Variants in GLIS3 observed in about 807,000 individuals in gnomAD.
GLIS3 encodes the protein zinc finger protein GLIS3.
GLIS3 carries 53 observed loss-of-function variants against 78.6 expected under a neutral mutation model. The ratio of observed to expected loss-of-function variants is 0.67; its 90% CI spans 0.54 to 0.85. GLIS3 has a LOEUF of 0.85. Among genes scored for constraint, GLIS3 ranks in the 40% least tolerant of loss-of-function variants. The probability of loss-of-function intolerance (pLI) is 0.00; values close to 1 mark genes in which losing one functional copy is unlikely to be tolerated. For synonymous variants in GLIS3, 684 were observed against 509.9 expected (o/e 1.34, Z -4.60); for missense variants, 1,703 against 1,231.1 (o/e 1.38, Z -5.74).
At chr9:3,892,021 G>A (rs959737460) in intron 7 of GLIS3, among the ~76,000 whole-genome samples, 7 of 152,000 alleles carry the variant, frequency 4.6e-5, no homozygotes, top group South Asian at 2.1e-4. Context: ...CTTTCTCTAC[G>A]TCCCCAAGGA....
At chr9:4,259,355 C>T (rs1390891013) in intron 2 of GLIS3, among the ~76,000 whole-genome samples, 6 of 152,076 alleles carry the variant, frequency 3.9e-5, no homozygotes, top group Admixed American at 1.3e-4. Flanking sequence ...CCACCTTCCC[C>T]TTTACATATG....
In GLIS3 at chr9:4,118,703, A is replaced by G; in HGVS notation, c.775T>C (p.Ser259Pro). Residue 259 changes from serine (S) to proline (P), a missense_variant, in exon 4 of 11, where the codon TCC becomes CCC. By Grantham distance (74) the Ser-to-Pro change is moderately conservative (BLOSUM62 -1). Transcript: ENST00000381971. The surrounding 1 kb of genome is among the most constrained non-coding windows in gnomAD (Gnocchi z 4.7). ...GDLLSLPPGT[S>P]MSSNSVSNSL... is the part of the protein sequence containing the mutation. ...TTAGAGACACTATTGCTGGACATGG[A>G]TGTCCCGGGAGGAAGGCTAAGGAGA... The G allele has an allele frequency of 6.2e-7, 1 of 1,614,066 alleles. No individual in the cohort carries two copies. The highest frequency in any genetic ancestry group is 8.5e-7 in the Non-Finnish European group (1 of 1,180,032).
intron 2 of GLIS3, among the ~76,000 whole-genome samples, chr9:4,256,790 A>G (rs538579017): frequency 1.1e-5 from 1 of 91,378 alleles, no homozygotes; most frequent in African/African-American, 3.5e-5. Flanking sequence ...AGAGTACGGA[A>G]GCTCATCAAA....
At chr9:4,061,216 T>TC (rs1826627124) in intron 4 of GLIS3, among the ~76,000 whole-genome samples, 1 of 68,026 alleles carries the variant, frequency 1.5e-5, no homozygotes, top group Non-Finnish European at 2.8e-5. Flanking sequence ...CCCTCCCCCC[T>TC]CCCCCCACCC....
At chr9:4,003,853 C>A (rs1316566399) in intron 4 of GLIS3, among the ~76,000 whole-genome samples, 1 of 152,176 alleles carries the variant, frequency 6.6e-6, no homozygotes, top group Non-Finnish European at 1.5e-5. Flanking sequence ...GTGCTTGTAT[C>A]ATGGATTACC....
intron 2 of GLIS3, among the ~76,000 whole-genome samples, chr9:4,178,298 C>A (rs1586890131): frequency 6.6e-6 from 1 of 152,220 alleles, no homozygotes; most frequent in Middle Eastern, 3.4e-3. Context: ...TACCTACTTA[C>A]TCTTCTAGGT....
the GLIS3 span, among the ~76,000 whole-genome samples, chr9:4,435,470 C>T: frequency 6.6e-6 from 1 of 152,210 alleles, no homozygotes; most frequent in Admixed American, 6.5e-5. Context: ...TTCCCTTTCC[C>T]TTCTCCGCAT....
At chr9:4,003,210 T>G (rs1430263382) in intron 4 of GLIS3, among the ~76,000 whole-genome samples, 1 of 152,154 alleles carries the variant, frequency 6.6e-6, no homozygotes, top group East Asian at 1.9e-4. Flanking sequence ...CAAGATCCCA[T>G]CTCTGTTTTA....
At chr9:4,348,812 T>C (rs10974486), upstream of GLIS3, among the ~76,000 whole-genome samples, 81 of 152,326 alleles carry the variant, frequency 5.3e-4, 2 homozygotes, top group East Asian at 0.012. Flanking sequence ...CTCAATATGA[T>C]TCCAACTTTT....
At chr9:4,206,080 A>C (rs181707047) in intron 2 of GLIS3, among the ~76,000 whole-genome samples, 1 of 152,244 alleles carries the variant, frequency 6.6e-6, no homozygotes, top group Middle Eastern at 3.2e-3. Context: ...GGGAAAATAT[A>C]TAAGTGGTAC....
intron 8 of GLIS3, among the ~76,000 whole-genome samples, chr9:3,863,571 T>C (rs1482028971): frequency 6.6e-6 from 1 of 152,178 alleles, no homozygotes; most frequent in Non-Finnish European, 1.5e-5. Context: ...AAATAATTCA[T>C]AAGGTTGGAA....
chr9:4,348,058 T>C (rs1439434453), intron 1 of GLIS3, among the ~76,000 whole-genome samples: 3 of 152,244 alleles, frequency 2.0e-5, no homozygotes, highest in Non-Finnish European at 4.4e-5. Flanking sequence ...ATTCAACTTC[T>C]AGAAATACAT....
intron 4 of GLIS3, among the ~76,000 whole-genome samples, chr9:4,065,448 C>G (rs1224766786): frequency 6.6e-6 from 1 of 152,112 alleles, no homozygotes; most frequent in African/African-American, 2.4e-5. Flanking sequence ...TGTAAAACAG[C>G]CAAAGTGAGA....
chr9:4,179,813 G>C (rs1817139840), intron 2 of GLIS3, among the ~76,000 whole-genome samples: 1 of 151,978 alleles, frequency 6.6e-6, no homozygotes, highest in East Asian at 1.9e-4. Flanking sequence ...AGGAGGCTGA[G>C]GCAGGAGAAT....
chr9:4,335,644 G>A (rs143956775), intron 2 of GLIS3, among the ~76,000 whole-genome samples: 2 of 152,142 alleles, frequency 1.3e-5, no homozygotes, highest in Non-Finnish European at 2.9e-5. Context: ...GTAGCCCGGG[G>A]TTAAACAAGG....
In GLIS3 at chr9:4,151,347, T is replaced by C. The variant is rs113738638; in HGVS notation, c.389-25406A>G. Among the ~76,000 whole-genome samples, 881 of 152,120 alleles carry C rather than the reference T, an allele frequency of 5.8e-3. 13 individuals are homozygous for C. The highest frequency in any genetic ancestry group is 0.02 in the African/African-American group (851 of 41,556). On this transcript the variant is annotated intron_variant, in intron 2 of 10. Transcript: ENST00000381971. ...TGAGTTTGCCTCTATCTCCTCAAAC[T>C]ATATGTTTTAGCAGAAACACAGCTA...
chr9:4,281,241 T>C (rs746820989), intron 2 of GLIS3, among the ~76,000 whole-genome samples: 5 of 152,224 alleles, frequency 3.3e-5, no homozygotes, highest in Non-Finnish European at 7.3e-5. Flanking sequence ...CCACGTTGAT[T>C]TTCACTTAGT....
chr9:4,291,067 G>A (rs1460627301), intron 1 of GLIS3, among the ~76,000 whole-genome samples: 3 of 152,136 alleles, frequency 2.0e-5, no homozygotes, highest in African/African-American at 7.2e-5. Flanking sequence ...TTATTGAAAT[G>A]TGGAGCAGAA....
chr9:4,225,021 C>T (rs748550897), intron 2 of GLIS3, among the ~76,000 whole-genome samples: 2 of 151,472 alleles, frequency 1.3e-5, no homozygotes, highest in Non-Finnish European at 2.9e-5. Flanking sequence ...TTCTGGTAAG[C>T]CTTCACATTT....
Sources: allele counts gnomAD v4.1 joint callset (sites outside exome capture counted in the v4.1 genomes callset), GRCh38; gene constraint gnomAD v4.1.1; non-coding constraint Gnocchi (gnomAD v3.1); transcripts MANE v1.5; gene names NCBI Gene and HGNC (gene_info 2026-07-23, HGNC 2026-07-21).